The following PNPLA1 variants were observed in gnomAD, a reference collection of about 807,000 sequenced individuals.
The protein encoded by PNPLA1 is omega-hydroxyceramide transacylase.
PNPLA1 carries 36 observed loss-of-function variants against 51.7 expected under a neutral mutation model. The ratio of observed to expected loss-of-function variants is 0.70; its 90% confidence interval spans 0.53 to 0.92. The LOEUF is 0.92. PNPLA1 is among the 40% of genes least tolerant of loss of function. The probability of loss-of-function intolerance (pLI) is 0.00; values close to 1 mark genes in which losing one functional copy is unlikely to be tolerated. For synonymous variants in PNPLA1, 293 were observed against 280.1 expected (o/e 1.05, Z -0.46); for missense variants, 658 against 682.5 (o/e 0.96, Z 0.40).
chr6:36,246,879 C>T (rs71569326), intron 1 of PNPLA1, among the ~76,000 whole-genome samples: 5 of 152,360 alleles, frequency 3.3e-5, no homozygotes, highest in South Asian at 2.1e-4. Flanking sequence ...TTACATAGTA[C>T]TCTTAAATAT....
chr6:36,273,893 G>C (rs1189613269), intron 1 of PNPLA1, among the ~76,000 whole-genome samples: 1 of 152,128 alleles, frequency 6.6e-6, no homozygotes, highest in Non-Finnish European at 1.5e-5. Flanking sequence ...AGGACATCAA[G>C]CAGTGGGGTG....
chr6:36,261,847 G>T (rs988388852), intron 1 of PNPLA1, among the ~76,000 whole-genome samples: 2 of 152,150 alleles, frequency 1.3e-5, no homozygotes, highest in African/African-American at 4.8e-5. Context: ...ATACTGTACC[G>T]CCCTAAGAAA....
intron 7 of PNPLA1, 82 bp from the exon 8 acceptor site, chr6:36,307,505 A>C: frequency 6.5e-7 from 1 of 1,528,996 alleles, no homozygotes; most frequent in South Asian, 1.2e-5. Context: ...GGGTGTGTCC[A>C]CCTGCGGAGC....
In PNPLA1 at chr6:36,294,361, G is replaced by A. The variant is rs940223941; in HGVS notation, c.676G>A (p.Ala226Thr). 7 of 1,614,120 alleles carry A rather than the reference G, an allele frequency of 4.3e-6. No homozygotes were observed. In the Middle Eastern group the frequency reaches 4.9e-4, roughly 114 times the overall value. ...CSFQFSLENIARMTHALFPPD... is the reference protein window; with the variant it reads ...CSFQFSLENITRMTHALFPPD... The stretch of plus-strand genomic sequence containing the variant: ...CTTCCAGTTCTCCCTGGAGAACATC[G>A]CCAGGATGACCCACGCATTGTTCCC... The change falls in exon 4 of 9, where the codon GCC (alanine) becomes ACC (threonine). Residue 226 changes from alanine (A) to threonine (T), a missense_variant. Transcript: ENST00000636260. This position sits in a 1 kb window ranked among gnomAD's most constrained non-coding sequence, Gnocchi z 4.2.
intron 1 of PNPLA1, among the ~76,000 whole-genome samples, chr6:36,280,278 G>A (rs1250626709): frequency 6.6e-6 from 1 of 152,206 alleles, no homozygotes; most frequent in East Asian, 1.9e-4. Context: ...GTAATTGTGA[G>A]CTCATCTGCA....
At chr6:36,298,016 T>C (rs748887610) in intron 5 of PNPLA1, among the ~76,000 whole-genome samples, 2 of 152,220 alleles carry the variant, frequency 1.3e-5, no homozygotes, top group African/African-American at 4.8e-5. Flanking sequence ...CCTGATCTGC[T>C]TTCTGCCATT....
At chr6:36,302,615 A>G (rs1176598681) in intron 6 of PNPLA1, 146 bp downstream of exon 6, 15 of 1,123,674 alleles carry the variant, frequency 1.3e-5, no homozygotes, top group Non-Finnish European at 1.7e-5. Context: ...CATTATGAGG[A>G]CAGTCCGCCA....
chr6:36,251,211 T>C (rs1769416024), intron 1 of PNPLA1, among the ~76,000 whole-genome samples: 1 of 152,206 alleles, frequency 6.6e-6, no homozygotes, highest in South Asian at 2.1e-4. Context: ...ATTGCATTAG[T>C]CAGCTTTGGC....
chr6:36,296,664 A>G (rs1428077264), intron 5 of PNPLA1, among the ~76,000 whole-genome samples: 2 of 152,018 alleles, frequency 1.3e-5, no homozygotes, highest in African/African-American at 2.4e-5. Flanking sequence ...TCCTGTCTCT[A>G]CTTTCTCCTG....
At chr6:36,298,722 A>C (rs1389037687) in intron 5 of PNPLA1, among the ~76,000 whole-genome samples, 1 of 152,248 alleles carries the variant, frequency 6.6e-6, no homozygotes, top group East Asian at 1.9e-4. Flanking sequence ...TCCATGTTGT[A>C]GCTGTAGCAT....
At chr6:36,273,995 C>T (rs939545819) in intron 1 of PNPLA1, among the ~76,000 whole-genome samples, 4 of 152,130 alleles carry the variant, frequency 2.6e-5, no homozygotes, top group Admixed American at 2.6e-4. Context: ...GCTGTCCGCT[C>T]AGCAGCATGT....
intron 1 of PNPLA1, among the ~76,000 whole-genome samples, chr6:36,276,966 T>C (rs1054381634): frequency 1.3e-5 from 2 of 152,206 alleles, no homozygotes; most frequent in Non-Finnish European, 2.9e-5. Context: ...TTATAAGGCA[T>C]AGGAGTGCAG....
intron 1 of PNPLA1, among the ~76,000 whole-genome samples, chr6:36,249,343 AG>A (rs1406237290): frequency 6.6e-6 from 1 of 151,888 alleles, no homozygotes; most frequent in Non-Finnish European, 1.5e-5. Context: ...GCTTATCATC[AG>A]GTTTTGACTC....
chr6:36,288,443 ATTTTTT>A (rs34132369), intron 1 of PNPLA1, among the ~76,000 whole-genome samples: 1 of 125,796 alleles, frequency 7.9e-6, no homozygotes, highest in African/African-American at 3.0e-5. Flanking sequence ...AGGAGACCCT[ATTTTTT>A]TTTTTTTTTT....
chr6:36,271,004 G>A (rs1769900532), intron 1 of PNPLA1, among the ~76,000 whole-genome samples: 1 of 152,134 alleles, frequency 6.6e-6, no homozygotes, highest in African/African-American at 2.4e-5. Flanking sequence ...CTACACCACG[G>A]CACAGTCATA....
intron 2 of PNPLA1, 97 bp downstream of exon 2, chr6:36,291,649 G>A: frequency 9.7e-7 from 1 of 1,034,568 alleles, no homozygotes; most frequent in Non-Finnish European, 1.4e-6. Flanking sequence ...TTATCCACCT[G>A]CCTCACTTCC....
At chr6:36,284,524 C>T (rs905307246) in intron 1 of PNPLA1, among the ~76,000 whole-genome samples, 1 of 151,602 alleles carries the variant, frequency 6.6e-6, no homozygotes, top group Non-Finnish European at 1.5e-5. Flanking sequence ...TCCATCCATC[C>T]ATCCAACCAA....
chr6:36,263,212 A>G (rs1769691184), intron 1 of PNPLA1, among the ~76,000 whole-genome samples: 1 of 152,266 alleles, frequency 6.6e-6, no homozygotes, highest in African/African-American at 2.4e-5. Context: ...AATCTTTTGT[A>G]TCACCGAAGA....
chr6:36,291,586 A>AACAGGGG, intron 2 of PNPLA1, 34 bp downstream of exon 2: 1 of 42,832 alleles, frequency 2.3e-5, no homozygotes, highest in Admixed American at 5.5e-4. Context: ...AGGGACACGG[A>AACAGGGG]GGGGGCGGGG....
Sources: allele counts gnomAD v4.1 joint callset (sites outside exome capture counted in the v4.1 genomes callset), GRCh38; gene constraint gnomAD v4.1.1; non-coding constraint Gnocchi (gnomAD v3.1); transcripts MANE v1.5; gene names NCBI Gene and HGNC (gene_info 2026-07-23, HGNC 2026-07-21).